KCNIP4: variants seen among roughly 807,000 people sequenced by gnomAD.
KCNIP4 encodes the protein Kv channel-interacting protein 4.
In KCNIP4, 12 loss-of-function variants were observed where a neutral mutation model predicts 34.0. The ratio of observed to expected loss-of-function variants is 0.35; its 90% CI spans 0.23 to 0.57. KCNIP4 has a LOEUF of 0.57. Ranked by LOEUF, KCNIP4 falls within the 20% of genes least tolerant of loss-of-function variation. KCNIP4 has a pLI of 0.83. For missense variants in KCNIP4, 238 were observed against 311.7 expected, an observed-to-expected ratio of 0.76 and a Z score of 1.78; for synonymous variants, 124 against 102.2, an observed-to-expected ratio of 1.21 and a Z score of -1.29.
intron 3 of KCNIP4, among the ~76,000 whole-genome samples, chr4:20,849,151 A>G (rs1720730562): frequency 6.6e-6 from 1 of 152,144 alleles, no homozygotes; most frequent in South Asian, 2.1e-4. Context: ...TACCTATCAG[A>G]TTCCTTTAAT....
intron 1 of KCNIP4, among the ~76,000 whole-genome samples, chr4:21,602,719 C>CAAAAAAAAA: frequency 6.6e-6 from 1 of 152,094 alleles, no homozygotes; most frequent in African/African-American, 2.4e-5. Context: ...TGTGGGTACT[C>CAAAAAAAAA]ATCTTTTTGA....
chr4:21,763,805 T>C (rs762829255), intron 1 of KCNIP4, among the ~76,000 whole-genome samples: 5 of 152,142 alleles, frequency 3.3e-5, no homozygotes, highest in Non-Finnish European at 5.9e-5. Flanking sequence ...GAAAAATGAA[T>C]GTGACAAAAG....
At chr4:21,806,971 T>C (rs1308186353) in intron 1 of KCNIP4, among the ~76,000 whole-genome samples, 1 of 152,106 alleles carries the variant, frequency 6.6e-6, no homozygotes, top group Non-Finnish European at 1.5e-5. Flanking sequence ...ATCATACCAC[T>C]CACCATAATG....
chr4:21,392,948 T>A (rs1347141556), intron 1 of KCNIP4, among the ~76,000 whole-genome samples: 2 of 152,182 alleles, frequency 1.3e-5, no homozygotes, highest in Non-Finnish European at 2.9e-5. Context: ...GAAGCAATAA[T>A]GTAACTAAGG....
chr4:21,372,161 G>A (rs187475149), intron 1 of KCNIP4, among the ~76,000 whole-genome samples: 4 of 147,252 alleles, frequency 2.7e-5, no homozygotes, highest in Non-Finnish European at 4.4e-5. Flanking sequence ...ACACAGCATC[G>A]TACTTCAGGA....
chr4:21,274,986 T>C (rs1762355317), intron 1 of KCNIP4, among the ~76,000 whole-genome samples: 1 of 152,216 alleles, frequency 6.6e-6, no homozygotes, highest in Non-Finnish European at 1.5e-5. Flanking sequence ...ATTGATCCTC[T>C]AATCCCATGG....
intron 4 of KCNIP4, among the ~76,000 whole-genome samples, chr4:20,754,466 C>T (rs544274338): frequency 6.6e-6 from 1 of 152,332 alleles, no homozygotes; most frequent in South Asian, 2.1e-4. Context: ...ATGGCCATCA[C>T]ATGAATTCGC....
chr4:21,506,188 A>AT (rs934638129), intron 1 of KCNIP4, among the ~76,000 whole-genome samples: 4 of 152,174 alleles, frequency 2.6e-5, no homozygotes, highest in East Asian at 1.9e-4. Flanking sequence ...CAGCCAGTTG[A>AT]TTTTTTTTAA....
chr4:21,295,890 T>A (rs1056568658), intron 1 of KCNIP4, among the ~76,000 whole-genome samples: 1 of 151,862 alleles, frequency 6.6e-6, no homozygotes, highest in Admixed American at 6.6e-5. Context: ...GGACAACATA[T>A]GGACCACAAT....
chr4:21,816,839 A>T (rs551297573), intron 1 of KCNIP4, among the ~76,000 whole-genome samples: 3 of 152,194 alleles, frequency 2.0e-5, no homozygotes, highest in South Asian at 4.1e-4. Context: ...TTGGGTTCGG[A>T]TCTTGGTTCT....
At chr4:21,707,930 C>T (rs1577879794) in intron 1 of KCNIP4, among the ~76,000 whole-genome samples, 1 of 68,948 alleles carries the variant, frequency 1.5e-5, no homozygotes, top group South Asian at 4.2e-4. Flanking sequence ...GAAACACACA[C>T]ATACACACAC....
chr4:21,595,255 TC>T (rs1742553276), intron 1 of KCNIP4, among the ~76,000 whole-genome samples: 1 of 152,122 alleles, frequency 6.6e-6, no homozygotes, highest in Non-Finnish European at 1.5e-5. Flanking sequence ...GGTTTTCTGT[TC>T]CTGTGATAGT....
At chr4:21,731,652 AC>A (rs1329855537) in intron 1 of KCNIP4, among the ~76,000 whole-genome samples, 1 of 152,114 alleles carries the variant, frequency 6.6e-6, no homozygotes, top group African/African-American at 2.4e-5. Flanking sequence ...GATCTTCAAA[AC>A]CCAATCAAAG....
At chr4:21,095,155 A>C (rs1208509960) in intron 1 of KCNIP4, among the ~76,000 whole-genome samples, 1 of 152,336 alleles carries the variant, frequency 6.6e-6, no homozygotes, top group East Asian at 1.9e-4. Context: ...AGACACTCAC[A>C]GTTTGAAAAG....
chr4:21,044,167 A>T (rs1742218213), intron 1 of KCNIP4, among the ~76,000 whole-genome samples: 1 of 151,894 alleles, frequency 6.6e-6, no homozygotes, highest in Admixed American at 6.6e-5. Flanking sequence ...CATTCTGCTC[A>T]CTCTCATCTC....
At chr4:21,938,503 G>A (rs560006154) in intron 1 of KCNIP4, among the ~76,000 whole-genome samples, 24 of 152,194 alleles carry the variant, frequency 1.6e-4, no homozygotes, top group Non-Finnish European at 2.9e-4. Context: ...TCTTTTCTAC[G>A]TAAGGTTTGT....
At chr4:21,592,934 G>A (rs959020766) in intron 1 of KCNIP4, among the ~76,000 whole-genome samples, 17 of 152,038 alleles carry the variant, frequency 1.1e-4, no homozygotes, top group Non-Finnish European at 8.8e-5. Flanking sequence ...ATGGCTGTAT[G>A]AGGCCTCCAC....
At chr4:21,771,213 C>T (rs1205192729) in intron 1 of KCNIP4, among the ~76,000 whole-genome samples, 3 of 152,072 alleles carry the variant, frequency 2.0e-5, no homozygotes, top group Admixed American at 6.6e-5. Context: ...TTTCCCATTG[C>T]TTGTTTTTGT....
intron 1 of KCNIP4, among the ~76,000 whole-genome samples, chr4:21,435,562 A>G (rs1476184093): frequency 6.6e-6 from 1 of 152,184 alleles, no homozygotes; most frequent in Non-Finnish European, 1.5e-5. Flanking sequence ...AATAGAAAAG[A>G]AAGCCTCTTA....
Sources: allele counts gnomAD v4.1 joint callset (sites outside exome capture counted in the v4.1 genomes callset), GRCh38; gene constraint gnomAD v4.1.1; transcripts MANE v1.5; gene names NCBI Gene and HGNC (gene_info 2026-07-23, HGNC 2026-07-21).